The following SLC27A3 variants were observed in gnomAD, a reference collection of about 807,000 sequenced individuals.
SLC27A3 encodes solute carrier family 27 member 3.
SLC27A3 carries 60 observed loss-of-function variants against 60.1 expected under a neutral mutation model. The observed-to-expected ratio is 1.00, with a 90% CI of 0.81 to 1.24. The LOEUF (loss-of-function observed/expected upper bound fraction) is 1.24, where lower values mean the gene tolerates loss of function less well. Ranked by LOEUF, SLC27A3 falls within the 50% of genes most tolerant of loss-of-function variation. SLC27A3 has a pLI of 0.00. For missense variants in SLC27A3, 1,079 were observed against 929.9 expected, an observed-to-expected ratio of 1.16 and a Z score of -2.09; for synonymous variants, 455 against 409.0, an observed-to-expected ratio of 1.11 and a Z score of -1.36.
At chr1:153,777,679 T>C in intron 3 of SLC27A3, 82 bp from the exon 4 acceptor site, 7 of 1,533,390 alleles carry the variant, frequency 4.6e-6, no homozygotes, top group Non-Finnish European at 6.3e-6. Context: ...CAGTGATGGC[T>C]GGGGTCTGGA....
At chr1:153,779,003 T>C (rs1673385068) in intron 7 of SLC27A3, 111 bp from the exon 8 acceptor site, 2 of 1,458,720 alleles carry the variant, frequency 1.4e-6, no homozygotes, top group Non-Finnish European at 1.9e-6. Context: ...TCTCTCATTC[T>C]CAGATCTCAC....
At position 153,778,737 on chromosome 1, in the gene SLC27A3, G is replaced by T; in HGVS notation, c.1498G>T (p.Gly500Cys). 1.2e-6 allele frequency: 2 copies of T among 1,613,748 alleles called. No homozygotes were observed. Among genetic ancestry groups the T allele is most frequent in the South Asian group, 1.1e-5 (1 of 91,082 alleles). ...APVSQQSPFL[G>C]YAGGPELAQG... ...GGTAAGCCAGCAGTCCCCATTCCTG[G>T]GCTATGCTGGCGGGCCAGAGCTGGC... Residue 500 changes from glycine to cysteine, a missense_variant, in exon 7 of 10, where the codon GGC becomes TGC. Transcript: ENST00000624995.
In SLC27A3 at chr1:153,776,059, G is replaced by C; in HGVS notation, c.562G>C (p.Ala188Pro). ...PEFLWLWFGL[A>P]KAGLRTAFVP... Reference sequence around the variant, plus strand: ...GTTTCTGTGGCTCTGGTTCGGGCTGGCCAAGGCCGGCCTGCGCACTGCCTT... The same window carrying C: ...GTTTCTGTGGCTCTGGTTCGGGCTGCCCAAGGCCGGCCTGCGCACTGCCTT... The change falls in exon 1 of 10, where the codon GCC (alanine) becomes CCC (proline). Residue 188 changes from alanine to proline, a missense_variant. Ala to Pro is a conservative substitution (Grantham distance 27, BLOSUM62 -1). Transcript: ENST00000624995. The C allele has an allele frequency of 4.1e-6, 6 of 1,468,232 alleles. No individual in the cohort carries two copies. In the South Asian group the frequency reaches 4.2e-5, roughly 10 times the overall value. The allele number at this position is 1,468,232 out of a possible 1,614,324, so 91.0% of individuals were successfully genotyped here. A position where few individuals can be genotyped will look rare whatever the true frequency, so the allele number is the denominator to read the frequency against.
rs1259467902 is a variant in SLC27A3 at position 153,775,887 on chromosome 1, C to G, written c.390C>G (p.Gly130=). 4 of 1,483,812 alleles carry G rather than the reference C, an allele frequency of 2.7e-6. No individual in the cohort carries two copies. The highest frequency in any genetic ancestry group is 2.7e-6 in the Non-Finnish European group (3 of 1,123,630). 91.9% of individuals were successfully genotyped at this position (1,483,812 alleles called of 1,614,324 possible). A position where few individuals can be genotyped will look rare whatever the true frequency, so the allele number is the denominator to read the frequency against. ...GCGGCGAGGGGAGCGCTGGAGAAGGCGAGCGGGCAGCGCCGGGAGCCGGAG... is the reference window on the plus strand; with the variant it reads ...GCGGCGAGGGGAGCGCTGGAGAAGGGGAGCGGGCAGCGCCGGGAGCCGGAG... The part of the protein sequence containing the change: ...GDSGEGSAGE[G]ERAAPGAGDA... The change falls in exon 1 of 10, where the codon GGC becomes GGG. Residue 130 remains glycine (G), a synonymous_variant. Coordinates refer to ENST00000624995, the MANE Select transcript of SLC27A3 (RefSeq NM_024330.4).
At position 153,779,619 on chromosome 1, in the gene SLC27A3, C is replaced by T. The variant is rs559276735; in HGVS notation, c.1875+146C>T. Reference sequence around the variant, plus strand: ...ATACACTCCGTGAAGAGAAAAAACACGGAGACACAAGCTCTTCACCCCACT... The same window carrying T: ...ATACACTCCGTGAAGAGAAAAAACATGGAGACACAAGCTCTTCACCCCACT... On this transcript the variant is annotated intron_variant, in intron 9 of 9. Coordinates refer to ENST00000624995, the MANE Select transcript of SLC27A3 (RefSeq NM_024330.4). 159 of 1,042,096 alleles carry T rather than the reference C, an allele frequency of 1.5e-4. No homozygotes were observed. In the African/African-American group the frequency reaches 2.1e-3, roughly 14 times the overall value. 64.6% of individuals were successfully genotyped at this position (1,042,096 alleles called of 1,614,324 possible).
chr1:153,778,065 A>G (rs1176459029), intron 4 of SLC27A3, 96 bp from the exon 5 acceptor site: 14 of 1,498,846 alleles, frequency 9.3e-6, no homozygotes, highest in Non-Finnish European at 1.2e-5. Context: ...AGGAGGTCAC[A>G]GTAGGAGGGG....
Position 153,778,308 on chromosome 1 carries a change from T to C in SLC27A3, c.1309T>C (p.Tyr437His), listed in dbSNP as rs1285601842. 4 of 1,614,036 alleles carry C rather than the reference T, an allele frequency of 2.5e-6. No individual in the cohort carries two copies. The highest frequency in any genetic ancestry group is 3.4e-6 in the Non-Finnish European group (4 of 1,180,028). The change falls in exon 5 of 10, where the codon TAC becomes CAC. Residue 437 changes from tyrosine (Y) to histidine (H), a missense_variant. By Grantham distance (83) the Tyr-to-His change is moderately conservative (BLOSUM62 2). Coordinates refer to ENST00000624995, the MANE Select transcript of SLC27A3 (RefSeq NM_024330.4). ...LTEGNVATINYTGQRGAVGRA... is the reference protein window; with the variant it reads ...LTEGNVATINHTGQRGAVGRA... ...AGAGGGCAACGTGGCCACCATCAAC[T>C]ACACAGGACAGCGGGGCGCTGTGGG...
chr1:153,776,347 G>GCCCCAAGGAT (rs920306343), intron 1 of SLC27A3, 171 bp from the exon 2 acceptor site: 1 of 1,359,260 alleles, frequency 7.4e-7, no homozygotes, highest in African/African-American at 1.5e-5. Flanking sequence ...AATCTTTGGT[G>GCCCCAAGGAT]CCCCAAGGAT....
rs558408023 is a variant in SLC27A3 at position 153,777,397 on chromosome 1, C to T, written c.1036+177C>T. On this transcript the variant is annotated intron_variant, in intron 3 of 9. Transcript: ENST00000624995. Reference sequence around the variant, plus strand: ...CTGCCTAGACCTACAGACTGAGGAACGGTGAGGGGGGCCATACAGCCACAT... The same window carrying T: ...CTGCCTAGACCTACAGACTGAGGAATGGTGAGGGGGGCCATACAGCCACAT... 63 of 760,056 alleles carry T rather than the reference C, an allele frequency of 8.3e-5. No individual in the cohort carries two copies. In the East Asian group the frequency reaches 1.1e-3, roughly 14 times the overall value. The allele number at this position is 760,056 out of a possible 1,614,324, so 47.1% of individuals were successfully genotyped here.
intron 1 of SLC27A3, 30 bp from the exon 2 acceptor site, chr1:153,776,488 C>T (rs202183463): frequency 4.4e-6 from 7 of 1,589,390 alleles, no homozygotes; most frequent in Non-Finnish European, 5.2e-6. Context: ...AGAGCCAGGG[C>T]CCCGGCGTTG....
intron 8 of SLC27A3, 28 bp from the exon 9 acceptor site, chr1:153,779,315 G>T: frequency 6.2e-7 from 1 of 1,613,554 alleles, no homozygotes; most frequent in Non-Finnish European, 8.5e-7. Context: ...GCCATGGAGG[G>T]GCTTACTCTG....
At position 153,778,224 on chromosome 1, in the gene SLC27A3, T is replaced by TGGGAGCGTTTTGTGCGGCGCTTC; in HGVS notation, c.1229_1251dup (p.Pro418SerfsTer18). On this transcript the variant is annotated frameshift_variant, in exon 5 of 10. Coordinates refer to ENST00000624995, the MANE Select transcript of SLC27A3 (RefSeq NM_024330.4). LOFTEE classifies it high-confidence loss of function. ...GGGCAGCGGGCTGCGCCCAGATACC[T>TGGGAGCGTTTTGTGCGGCGCTTC]GGGAGCGTTTTGTGCGGCGCTTCGG... is the stretch of plus-strand genomic sequence containing the variant. 6.2e-7 allele frequency: 1 copy of TGGGAGCGTTTTGTGCGGCGCTTC among 1,613,762 alleles called. No individual in the cohort carries two copies. Among genetic ancestry groups the TGGGAGCGTTTTGTGCGGCGCTTC allele is most frequent in the Non-Finnish European group, 8.5e-7 (1 of 1,180,032 alleles).
intron 9 of SLC27A3, 136 bp from the exon 10 acceptor site, chr1:153,779,690 C>T (rs1673439923): frequency 5.3e-6 from 5 of 945,242 alleles, no homozygotes; most frequent in Admixed American, 2.6e-5. Context: ...TTTCTCCTCC[C>T]TGTCACCTCC....
rs746507333 is a variant in SLC27A3 at position 153,777,771 on chromosome 1, G to A, written c.1047G>A (p.Val349=). 1.1e-5 allele frequency: 17 copies of A among 1,614,042 alleles called. No homozygotes were observed. The highest frequency in any genetic ancestry group is 1.7e-5 in the Admixed American group (1 of 60,010). Residue 349 remains valine (V), a synonymous_variant, in exon 4 of 10, where the codon GTG becomes GTA. Transcript: ENST00000624995. ...IVGCMGIGAT[V]VLKSKFSAGQ... ...GCCCACTTCTGGCAGGGGCCACAGT[G>A]GTGCTGAAATCCAAGTTCTCGGCTG... is the stretch of plus-strand genomic sequence containing the variant.
At chr1:153,779,735 A>G in intron 9 of SLC27A3, 91 bp from the exon 10 acceptor site, 1 of 1,297,242 alleles carries the variant, frequency 7.7e-7, no homozygotes, top group Non-Finnish European at 1.1e-6. Context: ...CCCTTTCCCA[A>G]GACTTGCTCC....
At position 153,778,345 on chromosome 1, in the gene SLC27A3, G is replaced by A. The variant is rs756306439; in HGVS notation, c.1346G>A (p.Trp449Ter). 5.0e-6 allele frequency: 8 copies of A among 1,614,006 alleles called. No homozygotes were observed. The South Asian group carries it at 8.8e-5, about 18-fold the overall frequency. ...GQRGAVGRAS[W>*]LYKHIFPFSL... ...CGGGGCGCTGTGGGGCGTGCTTCCT[G>A]GCTTTACAAGGTGAGGGGCAGAGAG... Residue 449 changes from tryptophan (W) to a stop codon, truncating the protein, a stop_gained, in exon 5 of 10, where the codon TGG (tryptophan) becomes TAG (stop). Coordinates refer to ENST00000624995, the MANE Select transcript of SLC27A3 (RefSeq NM_024330.4). LOFTEE classifies it high-confidence loss of function.
chr1:153,778,689 G>A lies in SLC27A3; in HGVS notation c.1450G>A (p.Glu484Lys), dbSNP rs781653260. The A allele has an allele frequency of 1.9e-6, 3 of 1,612,710 alleles. No homozygotes were observed. The highest frequency in any genetic ancestry group is 2.7e-5 in the African/African-American group (2 of 74,926). Residue 484 changes from glutamate (E) to lysine (K), a missense_variant and splice_region_variant, in exon 7 of 10, where the codon GAG becomes AAG. Transcript: ENST00000624995. ...QGHCMATSPG[E>K]PGLLVAPVSQ... ...CCTGACCCTGGTGACTCTGCCAGGT[G>A]AGCCAGGGCTGCTGGTGGCCCCGGT...
Position 153,777,054 on chromosome 1 carries a change from C to T in SLC27A3, c.878-8C>T. ...TCCCCTGATCGTCCCATAACTGCCA[C>T]CCCACAGGCCTCCCCAAGGCTGCTC... On this transcript the variant is annotated splice_polypyrimidine_tract_variant and splice_region_variant and intron_variant, in intron 2 of 9. Transcript: ENST00000624995. The T allele has an allele frequency of 6.2e-7, 1 of 1,614,000 alleles. No homozygotes were observed. Among genetic ancestry groups the T allele is most frequent in the South Asian group, 1.1e-5 (1 of 91,072 alleles).
In SLC27A3 at chr1:153,779,468, C is replaced by T; in HGVS notation, c.1870C>T (p.Leu624Phe). 4 of 1,612,786 alleles carry T rather than the reference C, an allele frequency of 2.5e-6. No individual in the cohort carries two copies. Among genetic ancestry groups the T allele is most frequent in the Non-Finnish European group, 3.4e-6 (4 of 1,179,746 alleles). The part of the protein sequence containing the change: ...PPYARPRFLR[L>F]QESLATTETF... ...TTATGCCCGGCCCCGATTCCTCAGG[C>T]TCCAGGTAACCGGCCACTTCCCCCG... The change falls in exon 9 of 10, where the codon CTC (leucine) becomes TTC (phenylalanine). Residue 624 changes from leucine to phenylalanine, a missense_variant. Leu to Phe is a conservative substitution (Grantham distance 22). Transcript: ENST00000624995.
Sources: allele counts gnomAD v4.1 joint callset, GRCh38; gene constraint gnomAD v4.1.1; transcripts MANE v1.5; gene names NCBI Gene and HGNC (gene_info 2026-07-23, HGNC 2026-07-21).